Variants in CNTN3 observed in about 807,000 individuals in gnomAD.
The protein encoded by CNTN3 is contactin-3.
Under a neutral mutation model 119.1 loss-of-function variants are expected in CNTN3, and 60 were observed. That is an observed-to-expected ratio of 0.50 (90% CI 0.41 to 0.62). CNTN3 has a LOEUF of 0.62. CNTN3 is among the 20% of genes least tolerant of loss of function. The pLI, the probability that CNTN3 is intolerant of heterozygous loss-of-function variation, is 0.00. For missense variants in CNTN3, 1,101 were observed against 1,242.4 expected, an observed-to-expected ratio of 0.89 and a Z score of 1.71; for synonymous variants, 450 against 438.7, an observed-to-expected ratio of 1.03 and a Z score of -0.32.
chr3:74,277,167 G>A (rs1426784323), intron 20 of CNTN3, among the ~76,000 whole-genome samples: 1 of 152,048 alleles, frequency 6.6e-6, no homozygotes, highest in African/African-American at 2.4e-5. Flanking sequence ...AAAAGTTCAG[G>A]AGCAGAAGGA....
chr3:74,314,506 T>C (rs979055443), intron 13 of CNTN3, among the ~76,000 whole-genome samples: 1 of 152,200 alleles, frequency 6.6e-6, no homozygotes, highest in Admixed American at 6.5e-5. Flanking sequence ...GGAGTAGCTA[T>C]ATTAATTTCA....
chr3:74,363,710 C>A (rs1336979245), intron 10 of CNTN3, among the ~76,000 whole-genome samples: 1 of 152,098 alleles, frequency 6.6e-6, no homozygotes, highest in Non-Finnish European at 1.5e-5. Flanking sequence ...TGTTGGGAAA[C>A]ATCATATAGA....
chr3:74,470,252 T>A (rs1171689910), intron 4 of CNTN3, among the ~76,000 whole-genome samples: 1 of 152,136 alleles, frequency 6.6e-6, no homozygotes, highest in Non-Finnish European at 1.5e-5. Context: ...CTCTCTAAAA[T>A]TAATGGTGGT....
chr3:74,276,240 A>G (rs943023330), intron 20 of CNTN3, among the ~76,000 whole-genome samples: 3 of 152,148 alleles, frequency 2.0e-5, no homozygotes, highest in African/African-American at 7.2e-5. Flanking sequence ...TCAAGACATA[A>G]AGTTAACAAA....
At chr3:74,265,697 T>G (rs1379525055) in intron 22 of CNTN3, among the ~76,000 whole-genome samples, 1 of 152,202 alleles carries the variant, frequency 6.6e-6, no homozygotes, top group East Asian at 1.9e-4. Flanking sequence ...TCTGCCATTT[T>G]GTTTTCCAAG....
chr3:74,288,533 A>G (rs1244080835), intron 19 of CNTN3, among the ~76,000 whole-genome samples: 1 of 152,144 alleles, frequency 6.6e-6, no homozygotes, highest in Non-Finnish European at 1.5e-5. Flanking sequence ...GGCTGGAAGA[A>G]GGCATCAATG....
intron 4 of CNTN3, among the ~76,000 whole-genome samples, chr3:74,458,286 T>C (rs1156996285): frequency 1.3e-5 from 2 of 152,064 alleles, no homozygotes; most frequent in African/African-American, 4.8e-5. Flanking sequence ...ACTTACAATA[T>C]ACCTGGGGCT....
chr3:74,536,097 A>G (rs1265150178), intron 1 of CNTN3, among the ~76,000 whole-genome samples: 1 of 152,112 alleles, frequency 6.6e-6, no homozygotes, highest in East Asian at 1.9e-4. Flanking sequence ...TTCACTTTTC[A>G]GAAAAAGACA....
At chr3:74,336,417 C>A in intron 12 of CNTN3, 114 bp downstream of exon 12, 1 of 1,105,886 alleles carries the variant, frequency 9.0e-7, no homozygotes, top group African/African-American at 1.6e-5. Context: ...AGTGCAAATA[C>A]AGGTTCTACC....
intron 1 of CNTN3, among the ~76,000 whole-genome samples, chr3:74,551,927 G>T (rs570552228): frequency 2.0e-5 from 3 of 151,236 alleles, no homozygotes; most frequent in African/African-American, 7.3e-5. Flanking sequence ...CCACACCCCG[G>T]TAATTTTTGT....
rs542433712 is a variant in CNTN3, at chr3:74,332,548, C to T, written c.1668+2187G>A. Among the ~76,000 whole-genome samples the T allele has an allele frequency of 2.0e-5, 3 of 152,276 alleles. No homozygotes were observed. In the East Asian group the frequency reaches 5.8e-4, roughly 29 times the overall value. On this transcript the variant is annotated intron_variant, in intron 13 of 22. Transcript: ENST00000263665. The stretch of plus-strand genomic sequence containing the variant: ...CAAGATAGTTAAATTACATTATAAA[C>T]TCGAATGTTTTTAACTCCAAGCTTT...
At chr3:74,489,620 TCCCACC>T (rs1203504027) in intron 3 of CNTN3, among the ~76,000 whole-genome samples, 2 of 150,030 alleles carry the variant, frequency 1.3e-5, no homozygotes, top group Non-Finnish European at 3.0e-5. Flanking sequence ...TAGTTTCTGT[TCCCACC>T]CCCACCCCTC....
chr3:74,507,478 G>T (rs1703283330), intron 2 of CNTN3, among the ~76,000 whole-genome samples: 1 of 151,094 alleles, frequency 6.6e-6, no homozygotes, highest in African/African-American at 2.4e-5. Context: ...GTATTTTACA[G>T]CTGTAATCTC....
chr3:74,552,795 T>C (rs1248135788), intron 1 of CNTN3, among the ~76,000 whole-genome samples: 2 of 6,192 alleles, frequency 3.2e-4, no homozygotes, highest in Non-Finnish European at 1.4e-3. Flanking sequence ...GATGGTTTTA[T>C]AACTGACAGT....
At chr3:74,581,018 A>G (rs938734448) in intron 1 of CNTN3, among the ~76,000 whole-genome samples, 4 of 152,228 alleles carry the variant, frequency 2.6e-5, no homozygotes, top group Non-Finnish European at 5.9e-5. Flanking sequence ...CACCATGCTC[A>G]GCATGACTTC....
chr3:74,419,140 TG>T (rs1701578215), intron 5 of CNTN3, among the ~76,000 whole-genome samples: 2 of 152,252 alleles, frequency 1.3e-5, no homozygotes, highest in Admixed American at 1.3e-4. Context: ...AGTAGCAAAG[TG>T]TTGTTCAAGG....
At chr3:74,535,275 T>C (rs1575814090) in intron 1 of CNTN3, among the ~76,000 whole-genome samples, 1 of 152,062 alleles carries the variant, frequency 6.6e-6, no homozygotes, top group Non-Finnish European at 1.5e-5. Context: ...TCTAGGTGTA[T>C]AAAACATTCA....
At chr3:74,359,576 C>G (rs972017066) in intron 11 of CNTN3, among the ~76,000 whole-genome samples, 1 of 152,066 alleles carries the variant, frequency 6.6e-6, no homozygotes, top group Non-Finnish European at 1.5e-5. Context: ...AAAGTATTAA[C>G]TGGCTAAATC....
At chr3:74,610,347 C>A (rs1705060196) in intron 1 of CNTN3, among the ~76,000 whole-genome samples, 1 of 130,494 alleles carries the variant, frequency 7.7e-6, no homozygotes, top group Non-Finnish European at 1.6e-5. Flanking sequence ...AAAAAAAAAA[C>A]CCTGTGAGTT....
Sources: gnomAD v4.1 joint callset for allele counts (sites outside exome capture counted in the v4.1 genomes callset) on GRCh38, gnomAD v4.1.1 for gene constraint, MANE v1.5 for transcripts, NCBI Gene and HGNC (gene_info 2026-07-23, HGNC 2026-07-21) for gene names.